EYS: variants seen among roughly 807,000 people sequenced by gnomAD.
EYS encodes the protein protein eyes shut homolog.
A neutral mutation model predicts 282.1 loss-of-function variants in EYS; 250 were observed. The observed-to-expected ratio is 0.89, with a 90% CI of 0.80 to 0.98. The LOEUF is 0.98. EYS is among the 50% of genes least tolerant of loss of function. The pLI is 0.00. For missense variants in EYS, 4,016 were observed against 3,709.0 expected, an observed-to-expected ratio of 1.08 and a Z score of -2.15; for synonymous variants, 1,355 against 1,282.9, an observed-to-expected ratio of 1.06 and a Z score of -1.20.
chr6:65,021,272 G>A (rs1383335150), intron 13 of EYS, among the ~76,000 whole-genome samples: 1 of 152,090 alleles, frequency 6.6e-6, no homozygotes, highest in Non-Finnish European at 1.5e-5. Context: ...CTTAGAAATT[G>A]CTTCTGCTAA....
At chr6:64,958,885 TAGACACA>T in intron 14 of EYS, among the ~76,000 whole-genome samples, 2 of 152,172 alleles carry the variant, frequency 1.3e-5, no homozygotes, top group Non-Finnish European at 2.9e-5. Flanking sequence ...ACATTACAGT[TAGACACA>T]CAATCATTGG....
At chr6:64,687,152 A>C (rs573724831) in intron 22 of EYS, among the ~76,000 whole-genome samples, 5 of 151,888 alleles carry the variant, frequency 3.3e-5, no homozygotes, top group African/African-American at 9.6e-5. Context: ...TAAACTCTCT[A>C]AAACTAGAGA....
At chr6:64,594,624 A>C (rs1766519966) in intron 24 of EYS, among the ~76,000 whole-genome samples, 1 of 145,208 alleles carries the variant, frequency 6.9e-6, no homozygotes, top group South Asian at 2.2e-4. Context: ...TCTTACTCAC[A>C]GGTGGGAATT....
chr6:64,762,323 TA>T (rs1773185399), intron 22 of EYS, among the ~76,000 whole-genome samples: 1 of 152,226 alleles, frequency 6.6e-6, no homozygotes, highest in African/African-American at 2.4e-5. Flanking sequence ...CTAACTACTA[TA>T]TTTTTCTGCA....
chr6:64,840,509 T>A (rs1230040508), intron 19 of EYS, among the ~76,000 whole-genome samples: 1 of 152,130 alleles, frequency 6.6e-6, no homozygotes, highest in Non-Finnish European at 1.5e-5. Context: ...TTAGATTCCT[T>A]CATATCCACA....
intron 2 of EYS, among the ~76,000 whole-genome samples, chr6:65,602,225 A>G (rs1765639000): frequency 6.6e-6 from 1 of 151,932 alleles, no homozygotes; most frequent in African/African-American, 2.4e-5. Context: ...AGATGTACAC[A>G]AAAGTATGTC....
At chr6:64,243,866 AT>A (rs2150344701) in intron 30 of EYS, among the ~76,000 whole-genome samples, 1 of 152,294 alleles carries the variant, frequency 6.6e-6, no homozygotes, top group African/African-American at 2.4e-5. Context: ...GTATTGTATC[AT>A]TTCCCTATTG....
At chr6:65,336,156 T>A (rs1380937484) in intron 10 of EYS, among the ~76,000 whole-genome samples, 3 of 151,722 alleles carry the variant, frequency 2.0e-5, no homozygotes, top group Non-Finnish European at 4.4e-5. Context: ...TCTTTATAAA[T>A]CACCGAGTCT....
intron 2 of EYS, among the ~76,000 whole-genome samples, chr6:65,596,995 A>G (rs1417456242): frequency 6.6e-6 from 1 of 152,126 alleles, no homozygotes; most frequent in South Asian, 2.1e-4. Flanking sequence ...AGAGAACCGA[A>G]GTAACTCAAA....
chr6:64,368,236 CT>C (rs2150412120), intron 29 of EYS, among the ~76,000 whole-genome samples: 1 of 152,152 alleles, frequency 6.6e-6, no homozygotes, highest in South Asian at 2.1e-4. Context: ...CAATAATGGC[CT>C]CCTGCTCCAT....
At chr6:64,617,037 C>G (rs1210570002) in intron 24 of EYS, among the ~76,000 whole-genome samples, 1 of 152,078 alleles carries the variant, frequency 6.6e-6, no homozygotes, top group Non-Finnish European at 1.5e-5. Flanking sequence ...ATGCTGAGCC[C>G]AACCCTGGAA....
chr6:65,646,826 G>T (rs1431362796), intron 1 of EYS, among the ~76,000 whole-genome samples: 2 of 152,144 alleles, frequency 1.3e-5, no homozygotes, highest in African/African-American at 4.8e-5. Flanking sequence ...AAAGTTTCAG[G>T]ATACAAAATT....
chr6:64,950,832 T>TATAA (rs1310289103), intron 14 of EYS, among the ~76,000 whole-genome samples: 1,349 of 102,794 alleles, frequency 0.013, 23 homozygotes, highest in East Asian at 0.02. Flanking sequence ...TATATATATA[T>TATAA]ATTGTTGAAT....
chr6:64,652,774 G>T (rs77072356), intron 22 of EYS, among the ~76,000 whole-genome samples: 1 of 139,102 alleles, frequency 7.2e-6, no homozygotes, highest in Admixed American at 9.3e-5. Context: ...TAGCGATAAA[G>T]AACAGGTAAG....
intron 22 of EYS, among the ~76,000 whole-genome samples, chr6:64,664,266 C>G (rs921402071): frequency 2.6e-5 from 4 of 152,196 alleles, no homozygotes; most frequent in Non-Finnish European, 1.5e-5. Flanking sequence ...GTCCCTTCCC[C>G]TGTGCTCTCA....
intron 1 of EYS, among the ~76,000 whole-genome samples, chr6:65,659,711 T>G (rs1767939804): frequency 6.6e-6 from 1 of 151,804 alleles, no homozygotes; most frequent in Non-Finnish European, 1.5e-5. Context: ...CTATTTCTTT[T>G]TTTTGACACA....
At chr6:64,147,540 T>C (rs1774561002) in intron 31 of EYS, among the ~76,000 whole-genome samples, 1 of 152,146 alleles carries the variant, frequency 6.6e-6, no homozygotes, top group South Asian at 2.1e-4. Context: ...GGCTATTACA[T>C]AGATGAGGGA....
intron 15 of EYS, among the ~76,000 whole-genome samples, chr6:64,915,616 A>C (rs1325500596): frequency 6.6e-6 from 1 of 152,168 alleles, no homozygotes; most frequent in Admixed American, 6.5e-5. Context: ...AGTTTTAAGA[A>C]TACATTTTCT....
Position 64,822,779 on chromosome 6 carries a change from G to C in EYS, c.3036C>G (p.Pro1012=), listed in dbSNP as rs1410358551. Residue 1012 remains proline (P), a synonymous_variant, in exon 20 of 43, where the codon CCC becomes CCG. Transcript: ENST00000503581. The stretch of plus-strand genomic sequence containing the variant: ...CGATACAAACTCCATCATGGAGACA[G>C]GGCTCTGATAGGCATTCATCTAGAT... ...EINLDECLSE[P]CLHDGVCIDG... is the part of the protein sequence containing the mutation. 2 of 1,549,820 alleles carry C rather than the reference G, an allele frequency of 1.3e-6. No individual in the cohort carries two copies. The highest frequency in any genetic ancestry group is 1.7e-6 in the Non-Finnish European group (2 of 1,145,942).
Sources: gnomAD v4.1 joint callset for allele counts (sites outside exome capture counted in the v4.1 genomes callset) on GRCh38, gnomAD v4.1.1 for gene constraint, MANE v1.5 for transcripts, NCBI Gene and HGNC (gene_info 2026-07-23, HGNC 2026-07-21) for gene names.